GRID2: variants seen among roughly 807,000 people sequenced by gnomAD.
GRID2 encodes the protein glutamate ionotropic receptor delta type subunit 2, also known as glutamate receptor ionotropic, delta-2.
In GRID2, 33 loss-of-function variants were observed where a neutral mutation model predicts 114.8. The observed-to-expected ratio is 0.29, with a 90% CI of 0.22 to 0.38. The LOEUF (loss-of-function observed/expected upper bound fraction) is 0.38. GRID2 is among the 10% of genes least tolerant of loss of function. GRID2 has a pLI of 1.00. For missense variants in GRID2, 1,184 were observed against 1,257.7 expected, an observed-to-expected ratio of 0.94 and a Z score of 0.89; for synonymous variants, 505 against 449.9, an observed-to-expected ratio of 1.12 and a Z score of -1.55.
intron 4 of GRID2, among the ~76,000 whole-genome samples, chr4:93,117,288 C>T (rs1336666454): frequency 5.9e-5 from 9 of 151,722 alleles, no homozygotes. Flanking sequence ...CCCCAATTCA[C>T]CTAGAAAATT....
chr4:93,267,482 A>G (rs1354840490), intron 8 of GRID2, among the ~76,000 whole-genome samples: 1 of 152,180 alleles, frequency 6.6e-6, no homozygotes, highest in Non-Finnish European at 1.5e-5. Flanking sequence ...CAGCCTAGCA[A>G]GTGATATTGG....
chr4:92,931,615 A>T (rs1330234349), intron 2 of GRID2, among the ~76,000 whole-genome samples: 1 of 150,402 alleles, frequency 6.6e-6, no homozygotes, highest in Non-Finnish European at 1.5e-5. Context: ...AGGCTACAAG[A>T]TAGAAGATAC....
At position 92,658,793 on chromosome 4, in the gene GRID2, GTATATATA is replaced by G. The variant is rs201480396; in HGVS notation, c.244+68526_244+68533del. Among the ~76,000 whole-genome samples, 70 of 132,380 alleles carry G rather than the reference GTATATATA, an allele frequency of 5.3e-4. 2 individuals carry two copies. The highest frequency in any genetic ancestry group is 1.7e-3 in the African/African-American group (59 of 35,028). The allele number at this position is 132,380 out of a possible 152,430, so 86.8% of individuals were successfully genotyped here. On this transcript the variant is annotated intron_variant, in intron 2 of 15. Transcript: ENST00000282020. ...TGTTTGCATGTATGTGTGTGTGTGT[GTATATATA>G]TATATATATATATATATACACACAC...
intron 2 of GRID2, among the ~76,000 whole-genome samples, chr4:93,031,433 A>G (rs1270141659): frequency 1.3e-5 from 2 of 152,158 alleles, no homozygotes; most frequent in African/African-American, 4.8e-5. Context: ...GCCTGACACC[A>G]CAAGCATTTT....
At chr4:93,747,065 T>C (rs1731904405) in intron 14 of GRID2, among the ~76,000 whole-genome samples, 1 of 152,090 alleles carries the variant, frequency 6.6e-6, no homozygotes, top group African/African-American at 2.4e-5. Context: ...ATCTGTGCCA[T>C]GACAGTCATT....
At chr4:92,639,929 C>T (rs1430083594) in intron 2 of GRID2, among the ~76,000 whole-genome samples, 1 of 151,666 alleles carries the variant, frequency 6.6e-6, no homozygotes. Flanking sequence ...AAGACATGTT[C>T]GTATGTGTAT....
At chr4:93,085,863 C>A (rs949404690) in intron 3 of GRID2, among the ~76,000 whole-genome samples, 4 of 151,994 alleles carry the variant, frequency 2.6e-5, no homozygotes, top group African/African-American at 4.8e-5. Context: ...AAAAAAAATT[C>A]TTTAATCTTC....
intron 13 of GRID2, among the ~76,000 whole-genome samples, chr4:93,607,851 T>A (rs950291961): frequency 5.3e-5 from 8 of 152,100 alleles, no homozygotes; most frequent in South Asian, 4.1e-4. Flanking sequence ...CATCTATTTT[T>A]ATTTTGCACA....
intron 4 of GRID2, among the ~76,000 whole-genome samples, chr4:93,180,552 A>T (rs1169603349): frequency 6.6e-6 from 1 of 152,168 alleles, no homozygotes; most frequent in Non-Finnish European, 1.5e-5. Flanking sequence ...TTTCTGTAGC[A>T]TGCCATGCTA....
intron 4 of GRID2, among the ~76,000 whole-genome samples, chr4:93,131,609 T>G (rs1326551217): frequency 6.6e-6 from 1 of 151,626 alleles, no homozygotes; most frequent in Non-Finnish European, 1.5e-5. Flanking sequence ...AAATTTTATT[T>G]AAATTTTTTT....
chr4:92,373,103 G>T (rs1034620610), intron 1 of GRID2, among the ~76,000 whole-genome samples: 1 of 152,116 alleles, frequency 6.6e-6, no homozygotes, highest in Non-Finnish European at 1.5e-5. Flanking sequence ...AGGTAATTTG[G>T]GGGCATATTC....
rs543147438 is a variant in GRID2, at chr4:93,455,769, G to T, written c.1653G>T (p.Arg551Ser). The T allele has an allele frequency of 1.9e-6, 3 of 1,612,926 alleles. No individual in the cohort carries two copies. The African/African-American group carries it at 4.0e-5, about 22-fold the overall frequency. Residue 551 changes from arginine to serine, a missense_variant, in exon 11 of 16, where the codon AGG (arginine) becomes AGT (serine). Arg to Ser is a moderately radical substitution (Grantham distance 110, BLOSUM62 -1). Coordinates refer to ENST00000282020, the MANE Select transcript of GRID2 (RefSeq NM_001510.4). ...ACTCAGTGGGGGTACTACTTCGAAGGGCTGAAAAGACAGTGGATATGTTTG... is the reference window on the plus strand; with the variant it reads ...ACTCAGTGGGGGTACTACTTCGAAGTGCTGAAAAGACAGTGGATATGTTTG... ...MDYSVGVLLRRAEKTVDMFAC... is the reference protein window; with the variant it reads ...MDYSVGVLLRSAEKTVDMFAC...
At chr4:92,566,132 A>G (rs1727322382) in intron 1 of GRID2, among the ~76,000 whole-genome samples, 1 of 151,912 alleles carries the variant, frequency 6.6e-6, no homozygotes, top group South Asian at 2.1e-4. Context: ...CTGGCGCAAA[A>G]TTTTTGGTGA....
chr4:92,541,483 C>CAATAATAAT (rs10643398), intron 1 of GRID2, among the ~76,000 whole-genome samples: 4 of 150,684 alleles, frequency 2.7e-5, no homozygotes, highest in Admixed American at 1.3e-4. Flanking sequence ...CTCAATTTTC[C>CAATAATAAT]AATAATAATA....
chr4:93,134,212 G>C (rs186989331), intron 4 of GRID2, among the ~76,000 whole-genome samples: 1 of 152,174 alleles, frequency 6.6e-6, no homozygotes, highest in Non-Finnish European at 1.5e-5. Flanking sequence ...ATTTTAATTG[G>C]CTTCCATATA....
chr4:93,125,108 A>T (rs1260821568), intron 4 of GRID2, among the ~76,000 whole-genome samples: 1 of 152,048 alleles, frequency 6.6e-6, no homozygotes, highest in Non-Finnish European at 1.5e-5. Context: ...TCACATTGAT[A>T]TATCAGTATG....
chr4:92,868,541 G>C (rs1385708283), intron 2 of GRID2, among the ~76,000 whole-genome samples: 2 of 152,174 alleles, frequency 1.3e-5, no homozygotes, highest in Non-Finnish European at 2.9e-5. Context: ...ATAGAAACAA[G>C]TAGGCTATTC....
chr4:92,339,267 T>C (rs1361272486), intron 1 of GRID2, among the ~76,000 whole-genome samples: 1 of 152,128 alleles, frequency 6.6e-6, no homozygotes, highest in East Asian at 1.9e-4. Context: ...TGCTGTTCTA[T>C]CTATGTTGCT....
intron 2 of GRID2, among the ~76,000 whole-genome samples, chr4:92,979,625 G>A (rs962310416): frequency 1.3e-5 from 2 of 152,048 alleles, no homozygotes; most frequent in African/African-American, 2.4e-5. Context: ...CCTCATTTCC[G>A]ATGTAATTCA....
Sources: gnomAD v4.1 joint callset for allele counts (sites outside exome capture counted in the v4.1 genomes callset) on GRCh38, gnomAD v4.1.1 for gene constraint, MANE v1.5 for transcripts, NCBI Gene and HGNC (gene_info 2026-07-23, HGNC 2026-07-21) for gene names.